SASH3: variants seen among roughly 807,000 people sequenced by gnomAD.
SASH3 encodes the protein SAM and SH3 domain containing 3.
Under a neutral mutation model 26.1 loss-of-function variants are expected in SASH3, and 7 were observed. The observed-to-expected ratio is 0.27, with a 90% CI of 0.15 to 0.50. The LOEUF (loss-of-function observed/expected upper bound fraction) is 0.50, where lower values mean the gene tolerates loss of function less well. Ranked by LOEUF, SASH3 falls within the 20% of genes least tolerant of loss-of-function variation. SASH3 has a pLI of 0.98. For missense variants in SASH3, 231 were observed against 318.3 expected, an observed-to-expected ratio of 0.73 and a Z score of 2.09; for synonymous variants, 138 against 136.8, an observed-to-expected ratio of 1.01 and a Z score of -0.06.
intron 1 of SASH3, among the ~76,000 whole-genome samples, chrX:129,783,335 T>C (rs966802116): frequency 9.0e-6 from 1 of 111,690 alleles, no homozygotes; most frequent in African/African-American, 3.3e-5. Flanking sequence ...GCCAGAGCCC[T>C]TCCCCCTCTG....
chrX:129,782,674 G>T (rs1159771586), intron 1 of SASH3, among the ~76,000 whole-genome samples: 1 of 111,948 alleles, frequency 8.9e-6, no homozygotes, highest in Non-Finnish European at 1.9e-5. Context: ...TCTCAAAGGC[G>T]CTAGAAGAGT....
intron 1 of SASH3, among the ~76,000 whole-genome samples, chrX:129,780,954 C>A (rs1406850338): frequency 1.8e-5 from 2 of 112,413 alleles, no homozygotes; most frequent in Non-Finnish European, 3.8e-5. Context: ...TGGAAGAATC[C>A]TTGAAGGCTG....
At chrX:129,781,428 C>G (rs187760537) in intron 1 of SASH3, among the ~76,000 whole-genome samples, 1 of 111,631 alleles carries the variant, frequency 9.0e-6, no homozygotes, top group African/African-American at 3.3e-5. Context: ...CTGTCATCCC[C>G]GTCCAAACCC....
intron 1 of SASH3, among the ~76,000 whole-genome samples, chrX:129,783,431 A>C (rs1449550887): frequency 8.9e-6 from 1 of 111,905 alleles, no homozygotes; most frequent in African/African-American, 3.3e-5. Flanking sequence ...TAACTTCTAC[A>C]CTGGTGGGGC....
chrX:129,790,603 G>A (rs191620527), intron 3 of SASH3, among the ~76,000 whole-genome samples: 127 of 111,353 alleles, frequency 1.1e-3, no homozygotes, highest in African/African-American at 4.0e-3. Context: ...CCTCTCTAGC[G>A]ACATTGTCTG....
Position 129,788,529 on chromosome X carries a change from G to A in SASH3, c.252G>A (p.Met84Ile), listed in dbSNP as rs779253669. 72 of 1,210,428 alleles carry A rather than the reference G, an allele frequency of 5.9e-5. No individual in the cohort carries two copies. The highest frequency in any genetic ancestry group is 8.0e-5 in the Non-Finnish European group (72 of 895,260). Residue 84 changes from methionine to isoleucine, a missense_variant, in exon 3 of 8, where the codon ATG becomes ATA. By Grantham distance (10) the Met-to-Ile change is conservative (BLOSUM62 1). Transcript: ENST00000356892. ...KKWRAVISRT[M>I]NRKMGKMMVK... Reference sequence around the variant, plus strand: ...GGAGGGCAGTGATTTCCCGAACCATGAACAGGAAGATGGGCAAGATGATGG... The same window carrying A: ...GGAGGGCAGTGATTTCCCGAACCATAAACAGGAAGATGGGCAAGATGATGG...
intron 7 of SASH3, 36 bp from the exon 8 acceptor site, chrX:129,793,606 C>A (rs772581107): frequency 3.3e-5 from 39 of 1,189,782 alleles, no homozygotes; most frequent in Non-Finnish European, 4.4e-5. Context: ...CCTACCTCCA[C>A]CCCCATATTC....
chrX:129,780,265 G>C, intron 1 of SASH3, 111 bp downstream of exon 1: 1 of 696,157 alleles, frequency 1.4e-6, no homozygotes, highest in South Asian at 2.6e-5. Context: ...GAGTCTGTAG[G>C]TGAGGGCCAC....
intron 7 of SASH3, 137 bp from the exon 8 acceptor site, chrX:129,793,505 C>A: frequency 1.5e-6 from 1 of 672,336 alleles, no homozygotes; most frequent in Non-Finnish European, 2.2e-6. Context: ...ACAACTCCTA[C>A]CAGCTTCTAA....
In SASH3 at chrX:129,788,332, C is replaced by A. The variant is rs956264296; in HGVS notation, c.154-99C>A. 11 of 928,478 alleles carry A rather than the reference C, an allele frequency of 1.2e-5. No individual in the cohort carries two copies. In the Admixed American group the frequency reaches 2.7e-4, roughly 23 times the overall value. 76.5% of individuals were successfully genotyped at this position (928,478 alleles called of 1,213,427 possible). A position where few individuals can be genotyped will look rare whatever the true frequency, so the allele number is the denominator to read the frequency against. On this transcript the variant is annotated intron_variant, in intron 2 of 7. Coordinates refer to ENST00000356892, the MANE Select transcript of SASH3 (RefSeq NM_018990.4). ...GGATGGGGGCCTCTCAGTTCCACCC[C>A]CTCCAGCTTCTGCTGTGACCCCAAG...
intron 3 of SASH3, among the ~76,000 whole-genome samples, chrX:129,789,695 A>G (rs1927197483): frequency 8.9e-6 from 1 of 111,734 alleles, no homozygotes; most frequent in Non-Finnish European, 1.9e-5. Flanking sequence ...CCAGGGAGGA[A>G]AGTTGGCACA....
rs759884729 is a variant in SASH3, at chrX:129,794,071, A to G, written c.*239A>G. The G allele has an allele frequency of 5.4e-5, 21 of 389,244 alleles. No homozygotes were observed. In the South Asian group the frequency reaches 1.0e-3, roughly 19 times the overall value. The allele number at this position is 389,244 out of a possible 1,213,427, so 32.1% of individuals were successfully genotyped here. Reference sequence around the variant, plus strand: ...GCCTGAGCCCCGCCCTCCACCAGCGACTGACAGCGCAGCCCCTCCTGGCAC... The same window carrying G: ...GCCTGAGCCCCGCCCTCCACCAGCGGCTGACAGCGCAGCCCCTCCTGGCAC... On this transcript the variant is annotated 3_prime_UTR_variant, in exon 8 of 8. Coordinates refer to ENST00000356892, the MANE Select transcript of SASH3 (RefSeq NM_018990.4).
At chrX:129,788,115 G>A in intron 2 of SASH3, 45 bp downstream of exon 2, 1 of 815,917 alleles carries the variant, frequency 1.2e-6, no homozygotes, top group Non-Finnish European at 1.8e-6. Context: ...CAGGCCCTGG[G>A]CAGGGGGGTG....
intron 1 of SASH3, among the ~76,000 whole-genome samples, chrX:129,783,325 G>A (rs1021090263): frequency 7.2e-5 from 8 of 111,379 alleles, no homozygotes; most frequent in Non-Finnish European, 1.1e-4. Context: ...ACAAAGCCCC[G>A]CCAGAGCCCT....
Position 129,793,087 on chromosome X carries a change from A to C in SASH3, c.900A>C (p.Pro300=), listed in dbSNP as rs769724160. The C allele has an allele frequency of 8.3e-7, 1 of 1,211,454 alleles. No homozygotes were observed. Among genetic ancestry groups the C allele is most frequent in the Non-Finnish European group, 1.1e-6 (1 of 895,390 alleles). ...TCAATGAGCTGAACATCATGGATCC[A>C]CAGCACCGGGCCAAGCTGCTCACGG... ...THLNELNIMD[P]QHRAKLLTAA... is the part of the protein sequence containing the mutation. Residue 300 remains proline (P), a synonymous_variant, in exon 7 of 8, where the codon CCA becomes CCC. Coordinates refer to ENST00000356892, the MANE Select transcript of SASH3 (RefSeq NM_018990.4).
intron 4 of SASH3, 100 bp from the exon 5 acceptor site, chrX:129,792,228 C>T: frequency 1.0e-6 from 1 of 987,638 alleles, no homozygotes; most frequent in Middle Eastern, 3.7e-4. Context: ...GGTGTATACC[C>T]TTGGGATTTC....
chrX:129,793,393 C>T (rs1927267976), intron 7 of SASH3, among the ~76,000 whole-genome samples: 1 of 112,698 alleles, frequency 8.9e-6, no homozygotes, highest in Non-Finnish European at 1.9e-5. Flanking sequence ...TACTTGAGGC[C>T]TCAAAGCTGA....
At chrX:129,788,137 G>GGGGGTTGGC in intron 2 of SASH3, 67 bp downstream of exon 2, 1 of 354,272 alleles carries the variant, frequency 2.8e-6, no homozygotes, top group Non-Finnish European at 5.4e-6. Flanking sequence ...GGGTGGGAGG[G>GGGGGTTGGC]AAGAGGGTGA....
chrX:129,788,741 C>G (rs1196638283), intron 3 of SASH3, among the ~76,000 whole-genome samples, 164 bp downstream of exon 3: 2 of 111,649 alleles, frequency 1.8e-5, no homozygotes, highest in African/African-American at 3.3e-5. Context: ...CAGCCACGGA[C>G]AGGCAGCCAG....
Sources: gnomAD v4.1 joint callset for allele counts (sites outside exome capture counted in the v4.1 genomes callset) on GRCh38, gnomAD v4.1.1 for gene constraint, MANE v1.5 for transcripts, NCBI Gene and HGNC (gene_info 2026-07-23, HGNC 2026-07-21) for gene names.